The following CLRN3 variants were observed in gnomAD, a reference collection of about 807,000 sequenced individuals.
CLRN3 encodes the protein clarin 3, also known as clarin-3.
CLRN3 carries 12 observed loss-of-function variants against 16.7 expected under a neutral mutation model. The observed-to-expected ratio is 0.72, with a 90% CI of 0.46 to 1.16. The LOEUF (loss-of-function observed/expected upper bound fraction) is 1.16, where lower values mean the gene tolerates loss of function less well. Ranked by LOEUF, CLRN3 falls within the 50% of genes most tolerant of loss-of-function variation. The pLI is 0.00. For missense variants in CLRN3, 296 were observed against 274.2 expected, an observed-to-expected ratio of 1.08 and a Z score of -0.56; for synonymous variants, 118 against 113.0, an observed-to-expected ratio of 1.04 and a Z score of -0.28.
At position 127,878,368 on chromosome 10, in the gene CLRN3, G is replaced by A. The variant is rs1217402396; in HGVS notation, c.462C>T (p.Asn154=). 3.1e-6 allele frequency: 5 copies of A among 1,614,218 alleles called. No individual in the cohort carries two copies. The highest frequency in any genetic ancestry group is 4.2e-6 in the Non-Finnish European group (5 of 1,180,038). The part of the protein sequence containing the change: ...MILFVANTQS[N]QLSEELFQML... Reference sequence around the variant, plus strand: ...TTTGGAACAACTCTTCGGAGAGTTGGTTGGACTGCGTGTTCGCCACAAACA... The same window carrying A: ...TTTGGAACAACTCTTCGGAGAGTTGATTGGACTGCGTGTTCGCCACAAACA... Residue 154 remains asparagine (N), a synonymous_variant, in exon 3 of 3, where the codon AAC becomes AAT. Coordinates refer to ENST00000368671, the MANE Select transcript of CLRN3 (RefSeq NM_152311.5).
chr10:127,878,853 C>T (rs1845092421), intron 2 of CLRN3, among the ~76,000 whole-genome samples: 1 of 152,114 alleles, frequency 6.6e-6, no homozygotes, highest in Admixed American at 6.5e-5. Flanking sequence ...GGCAGTGGGC[C>T]TGGAGCACCT....
intron 1 of CLRN3, among the ~76,000 whole-genome samples, chr10:127,890,233 A>G (rs1845243658): frequency 6.6e-6 from 1 of 152,182 alleles, no homozygotes; most frequent in Non-Finnish European, 1.5e-5. Flanking sequence ...TAGCAAAGAC[A>G]ACCTGCTCAC....
intron 2 of CLRN3, 97 bp from the exon 3 acceptor site, chr10:127,878,517 T>A: frequency 6.7e-7 from 1 of 1,502,172 alleles, no homozygotes; most frequent in Non-Finnish European, 9.0e-7. Flanking sequence ...GTATTGCATA[T>A]CTACACAGGA....
intron 2 of CLRN3, among the ~76,000 whole-genome samples, chr10:127,879,832 G>A (rs1845106155): frequency 6.6e-6 from 1 of 152,192 alleles, no homozygotes; most frequent in African/African-American, 2.4e-5. Context: ...CTATGTTCCA[G>A]GATCTGTGAT....
chr10:127,892,659 G>C lies in CLRN3; in HGVS notation c.126C>G (p.Asp42Glu), dbSNP rs751070162. 7 of 1,611,556 alleles carry C rather than the reference G, an allele frequency of 4.3e-6. No homozygotes were observed. Among genetic ancestry groups the C allele is most frequent in the South Asian group, 1.1e-5 (1 of 91,010 alleles). Residue 42 changes from aspartate (D) to glutamate (E), a missense_variant, in exon 1 of 3, where the codon GAC (aspartate) becomes GAG (glutamate). Transcript: ENST00000368671. ...TGAAAATGCTCCCATTTGAAGCAGA[G>C]TCTCTAACAGCAATTGTACTGGTGA... ...AWITSTIAVR[D>E]SASNGSIFIT...
rs758991799 is a variant in CLRN3, at chr10:127,878,369, T to C, written c.461A>G (p.Asn154Ser). The change falls in exon 3 of 3, where the codon AAC becomes AGC. Residue 154 changes from asparagine to serine, a missense_variant. By Grantham distance (46) the Asn-to-Ser change is conservative. Transcript: ENST00000368671. ...TTGGAACAACTCTTCGGAGAGTTGG[T>C]TGGACTGCGTGTTCGCCACAAACAG... ...MILFVANTQS[N>S]QLSEELFQML... 2.5e-6 allele frequency: 4 copies of C among 1,614,224 alleles called. No homozygotes were observed. Among genetic ancestry groups the C allele is most frequent in the Non-Finnish European group, 2.5e-6 (3 of 1,180,034 alleles).
In CLRN3 at chr10:127,877,936, A is replaced by C; in HGVS notation, c.*213T>G. On this transcript the variant is annotated 3_prime_UTR_variant, in exon 3 of 3. Coordinates refer to ENST00000368671, the MANE Select transcript of CLRN3 (RefSeq NM_152311.5). ...TCATGATACTACTGCTTTGAATACC[A>C]CACAGACCAGCGACATTTCCCATTC... The C allele has an allele frequency of 1.0e-5, 6 of 578,218 alleles. No individual in the cohort carries two copies. The highest frequency in any genetic ancestry group is 1.8e-5 in the Non-Finnish European group (6 of 328,286). The allele number at this position is 578,218 out of a possible 1,614,324, so 35.8% of individuals were successfully genotyped here. A position where few individuals can be genotyped will look rare whatever the true frequency, so the allele number is the denominator to read the frequency against.
chr10:127,878,947 G>T (rs185503602), intron 2 of CLRN3, among the ~76,000 whole-genome samples: 1 of 152,148 alleles, frequency 6.6e-6, no homozygotes, highest in Non-Finnish European at 1.5e-5. Context: ...TGCCCTGAGA[G>T]CCACAAATGC....
At chr10:127,889,227 CAGGAAGATCT>C (rs1845231463) in intron 1 of CLRN3, among the ~76,000 whole-genome samples, 1 of 152,124 alleles carries the variant, frequency 6.6e-6, no homozygotes, top group East Asian at 1.9e-4. Context: ...GAAGCTGAGG[CAGGAAGATCT>C]CTTGAGCCCA....
intron 1 of CLRN3, among the ~76,000 whole-genome samples, chr10:127,887,030 G>C (rs935880037): frequency 5.9e-5 from 9 of 152,226 alleles, no homozygotes; most frequent in Non-Finnish European, 1.2e-4. Flanking sequence ...TTCCATCCCT[G>C]ACCTCAGGTG....
At position 127,877,968 on chromosome 10, in the gene CLRN3, C is replaced by G; in HGVS notation, c.*181G>C. ...CCAGCGACATTTCCCATTCATTTCC[C>G]CAACCTTGTGGGAAAAATTTTCAGG... On this transcript the variant is annotated 3_prime_UTR_variant, in exon 3 of 3. Transcript: ENST00000368671. 1.4e-6 allele frequency: 1 copy of G among 706,850 alleles called. No individual in the cohort carries two copies. The highest frequency in any genetic ancestry group is 2.8e-5 in the East Asian group (1 of 35,938). The allele number at this position is 706,850 out of a possible 1,614,324, so 43.8% of individuals were successfully genotyped here.
At chr10:127,892,513 A>T in intron 1 of CLRN3, 43 bp downstream of exon 1, 1 of 1,025,656 alleles carries the variant, frequency 9.7e-7, no homozygotes, top group African/African-American at 1.6e-5. Flanking sequence ...CATAAACCTT[A>T]ATTCAATCTC....
intron 1 of CLRN3, among the ~76,000 whole-genome samples, chr10:127,884,158 G>A (rs141180163): frequency 6.8e-4 from 103 of 152,324 alleles, no homozygotes; most frequent in Non-Finnish European, 1.3e-3. Flanking sequence ...CCTGGATACC[G>A]GCAGCAGGGC....
At position 127,892,726 on chromosome 10, in the gene CLRN3, G is replaced by T; in HGVS notation, c.59C>A (p.Ser20Tyr). 5 of 1,613,812 alleles carry T rather than the reference G, an allele frequency of 3.1e-6. No homozygotes were observed. The highest frequency in any genetic ancestry group is 4.2e-6 in the Non-Finnish European group (5 of 1,179,814). ...AAGAATAGAGCAAATTACAATGAAG[G>T]ACCCAAGGCTGGTGAAAAAGCTTGA... ...FLSSFFTSLGSFIVICSILGT... is the reference protein window; with the variant it reads ...FLSSFFTSLGYFIVICSILGT... Residue 20 changes from serine (S) to tyrosine (Y), a missense_variant, in exon 1 of 3, where the codon TCC becomes TAC. Coordinates refer to ENST00000368671, the MANE Select transcript of CLRN3 (RefSeq NM_152311.5).
chr10:127,878,821 C>T (rs1485607400), intron 2 of CLRN3, among the ~76,000 whole-genome samples: 2 of 152,108 alleles, frequency 1.3e-5, no homozygotes, highest in African/African-American at 4.8e-5. Flanking sequence ...TGGAAGAAGC[C>T]GCCTTAAAAA....
chr10:127,889,767 G>T (rs1397259729), intron 1 of CLRN3, among the ~76,000 whole-genome samples: 3 of 152,216 alleles, frequency 2.0e-5, no homozygotes, highest in Non-Finnish European at 4.4e-5. Flanking sequence ...TCCTAAATGT[G>T]AATGACTCAT....
chr10:127,882,710 A>G (rs540089444), intron 2 of CLRN3, among the ~76,000 whole-genome samples: 284 of 152,314 alleles, frequency 1.9e-3, no homozygotes, highest in South Asian at 5.6e-3. Flanking sequence ...GCTTCCTGAC[A>G]TGTCTGATAT....
At chr10:127,885,498 T>A (rs1167895582) in intron 1 of CLRN3, among the ~76,000 whole-genome samples, 1 of 152,220 alleles carries the variant, frequency 6.6e-6, no homozygotes, top group East Asian at 1.9e-4. Flanking sequence ...TGGAGTATTC[T>A]CTGCTGAGTG....
chr10:127,884,201 C>T (rs1033994922), intron 1 of CLRN3, among the ~76,000 whole-genome samples: 2 of 152,242 alleles, frequency 1.3e-5, no homozygotes, highest in Admixed American at 6.5e-5. Flanking sequence ...GCTCGGGCTC[C>T]GTCCTTGCCA....
Sources: gnomAD v4.1 joint callset for allele counts (sites outside exome capture counted in the v4.1 genomes callset) on GRCh38, gnomAD v4.1.1 for gene constraint, MANE v1.5 for transcripts, NCBI Gene and HGNC (gene_info 2026-07-23, HGNC 2026-07-21) for gene names.